Variants in HS6ST3 observed in about 807,000 individuals in gnomAD.
HS6ST3 encodes the protein heparan-sulfate 6-O-sulfotransferase 3.
In HS6ST3, 12 loss-of-function variants were observed where a neutral mutation model predicts 36.7. That is an observed-to-expected ratio of 0.33 (90% CI 0.21 to 0.53). HS6ST3 has a LOEUF of 0.53. Ranked by LOEUF, HS6ST3 falls within the 20% of genes least tolerant of loss-of-function variation. The pLI is 0.95. For missense variants in HS6ST3, 584 were observed against 640.9 expected, an observed-to-expected ratio of 0.91 and a Z score of 0.96; for synonymous variants, 240 against 257.5, an observed-to-expected ratio of 0.93 and a Z score of 0.65.
chr13:96,127,659 TTCTG>T (rs2139309734), intron 1 of HS6ST3, among the ~76,000 whole-genome samples: 1 of 152,308 alleles, frequency 6.6e-6, no homozygotes, highest in African/African-American at 2.4e-5. Context: ...CTATTGCCTT[TTCTG>T]TCTTTCTAAA....
chr13:96,328,860 C>A (rs1462054178), intron 1 of HS6ST3, among the ~76,000 whole-genome samples: 3 of 152,056 alleles, frequency 2.0e-5, no homozygotes, highest in African/African-American at 7.2e-5. Flanking sequence ...AATTTCAGAT[C>A]CTGTTATTGG....
At chr13:96,183,071 G>A (rs1192963929) in intron 1 of HS6ST3, among the ~76,000 whole-genome samples, 2 of 152,154 alleles carry the variant, frequency 1.3e-5, no homozygotes, top group Non-Finnish European at 2.9e-5. Flanking sequence ...ACATGGCCCT[G>A]TTGTTTTTCT....
intron 1 of HS6ST3, among the ~76,000 whole-genome samples, chr13:96,326,109 A>G (rs932017310): frequency 2.0e-5 from 3 of 152,150 alleles, no homozygotes; most frequent in African/African-American, 7.2e-5. Context: ...ATTGAAAAAC[A>G]TCCAATTTAT....
chr13:96,636,364 A>T (rs1227001852), intron 1 of HS6ST3, among the ~76,000 whole-genome samples: 1 of 152,184 alleles, frequency 6.6e-6, no homozygotes, highest in Non-Finnish European at 1.5e-5. Flanking sequence ...GCTATTGCCA[A>T]ACATCATTTT....
chr13:96,463,587 A>G (rs1688246522), intron 1 of HS6ST3, among the ~76,000 whole-genome samples: 1 of 152,176 alleles, frequency 6.6e-6, no homozygotes, highest in South Asian at 2.1e-4. Context: ...AAAAGAGCAA[A>G]CCATTTAGTA....
intron 1 of HS6ST3, among the ~76,000 whole-genome samples, chr13:96,511,244 G>A (rs969304223): frequency 1.3e-5 from 2 of 152,152 alleles, no homozygotes; most frequent in African/African-American, 2.4e-5. Flanking sequence ...ATGAAACTGA[G>A]TGAAAATTTT....
chr13:96,664,631 A>G (rs578003397), intron 1 of HS6ST3, among the ~76,000 whole-genome samples: 1 of 152,152 alleles, frequency 6.6e-6, no homozygotes, highest in Non-Finnish European at 1.5e-5. Context: ...CCTACTTTAC[A>G]GAGAATGTAA....
chr13:96,220,293 G>C (rs181376670), intron 1 of HS6ST3, among the ~76,000 whole-genome samples: 1 of 152,172 alleles, frequency 6.6e-6, no homozygotes, highest in Non-Finnish European at 1.5e-5. Context: ...AGATCATCTG[G>C]AGGGAAAATA....
intron 1 of HS6ST3, among the ~76,000 whole-genome samples, chr13:96,650,546 G>C (rs543863546): frequency 6.0e-4 from 92 of 152,086 alleles, no homozygotes; most frequent in Non-Finnish European, 1.3e-3. Context: ...TGAGGGATTT[G>C]TTTATCTGAA....
chr13:96,508,299 A>T (rs1229737703), intron 1 of HS6ST3, among the ~76,000 whole-genome samples: 2 of 151,564 alleles, frequency 1.3e-5, no homozygotes, highest in Non-Finnish European at 2.9e-5. Context: ...TTTTGCCTTT[A>T]TTTATTCCAT....
chr13:96,555,028 T>C (rs183277341), intron 1 of HS6ST3, among the ~76,000 whole-genome samples: 1 of 152,166 alleles, frequency 6.6e-6, no homozygotes, highest in African/African-American at 2.4e-5. Flanking sequence ...TGCAGTGAGC[T>C]GTGGTCATGC....
chr13:96,127,572 C>A (rs941086220), intron 1 of HS6ST3, among the ~76,000 whole-genome samples: 1 of 152,164 alleles, frequency 6.6e-6, no homozygotes. Flanking sequence ...GGGGTTGGGA[C>A]CCCTGCTCTA....
intron 1 of HS6ST3, among the ~76,000 whole-genome samples, chr13:96,363,551 T>C (rs2055249443): frequency 6.6e-6 from 1 of 152,210 alleles, no homozygotes; most frequent in Non-Finnish European, 1.5e-5. Flanking sequence ...CAAAGGCCTT[T>C]ATGCCAATCC....
intron 1 of HS6ST3, among the ~76,000 whole-genome samples, chr13:96,454,978 A>G (rs956912304): frequency 6.6e-6 from 1 of 151,698 alleles, no homozygotes; most frequent in Non-Finnish European, 1.5e-5. Flanking sequence ...TGTGTCTGGG[A>G]GGGTGAGTGA....
chr13:96,372,776 A>T (rs971004752), intron 1 of HS6ST3, among the ~76,000 whole-genome samples: 10 of 152,184 alleles, frequency 6.6e-5, no homozygotes, highest in Non-Finnish European at 1.5e-4. Flanking sequence ...TTTATTGAAG[A>T]GTTCACAGAT....
chr13:96,132,031 A>G (rs1402455092), intron 1 of HS6ST3, among the ~76,000 whole-genome samples: 14 of 151,082 alleles, frequency 9.3e-5, no homozygotes. Context: ...TGTCTGGCTT[A>G]TTTTATATAA....
At chr13:96,661,001 A>G (rs2056644310) in intron 1 of HS6ST3, among the ~76,000 whole-genome samples, 1 of 151,936 alleles carries the variant, frequency 6.6e-6, no homozygotes, top group African/African-American at 2.4e-5. Context: ...CTGCCCTCGA[A>G]CTCCAAGTTC....
chr13:96,799,579 A>G (rs1877992490), intron 1 of HS6ST3, among the ~76,000 whole-genome samples: 1 of 147,082 alleles, frequency 6.8e-6, no homozygotes, highest in African/African-American at 2.5e-5. Context: ...GGAATTGAAC[A>G]ATGAGAACAC....
intron 1 of HS6ST3, among the ~76,000 whole-genome samples, chr13:96,727,803 T>G (rs1432962216): frequency 1.3e-5 from 2 of 152,202 alleles, no homozygotes; most frequent in Admixed American, 6.5e-5. Context: ...TTATGCTTTC[T>G]TTCACCTCTC....
Sources: allele counts gnomAD v4.1 joint callset (sites outside exome capture counted in the v4.1 genomes callset), GRCh38; gene constraint gnomAD v4.1.1; transcripts MANE v1.5; gene names NCBI Gene and HGNC (gene_info 2026-07-23, HGNC 2026-07-21).